HDAC9: variants seen among roughly 807,000 people sequenced by gnomAD.
The protein encoded by HDAC9 is histone deacetylase 9.
HDAC9 carries 41 observed loss-of-function variants against 139.4 expected under a neutral mutation model. The observed-to-expected ratio is 0.29, with a 90% CI of 0.23 to 0.38. The LOEUF (loss-of-function observed/expected upper bound fraction) is 0.38. Among genes scored for constraint, HDAC9 ranks in the 10% least tolerant of loss-of-function variants. HDAC9 has a pLI of 1.00. For synonymous variants in HDAC9, 517 were observed against 476.2 expected, an observed-to-expected ratio of 1.09 and a Z score of -1.12; for missense variants, 1,147 against 1,297.0, an observed-to-expected ratio of 0.88 and a Z score of 1.78.
intron 22 of HDAC9, among the ~76,000 whole-genome samples, chr7:18,909,144 A>G (rs1802527694): frequency 6.6e-6 from 1 of 152,078 alleles, no homozygotes; most frequent in African/African-American, 2.4e-5. Context: ...CCTGATGATT[A>G]GGGAGGTTGA....
chr7:18,884,720 G>T (rs143324212), intron 22 of HDAC9, among the ~76,000 whole-genome samples: 3 of 152,200 alleles, frequency 2.0e-5, no homozygotes, highest in Admixed American at 6.6e-5. Flanking sequence ...TTTTTAGTCA[G>T]TTGGGGCTTC....
chr7:18,122,555 C>T (rs1455774116), intron 1 of HDAC9, among the ~76,000 whole-genome samples: 1 of 151,988 alleles, frequency 6.6e-6, no homozygotes, highest in East Asian at 1.9e-4. Context: ...GTGGGGGCAA[C>T]TTTTAGTTGT....
rs1793572045 is a variant in HDAC9 at position 18,458,728 on chromosome 7, G to T, written c.-41-37534G>T. On this transcript the variant is annotated intron_variant, in intron 1 of 3. Transcript: ENST00000413509. ...TTCGATTAATAAATGATAAGCTGTA[G>T]ACCTCTACTCAGAGTAGTAACAAAG... 3 of 647,084 alleles carry T rather than the reference G, an allele frequency of 4.6e-6. No individual in the cohort carries two copies. In the East Asian group the frequency reaches 8.3e-5, roughly 18 times the overall value. The allele number at this position is 647,084 out of a possible 1,614,324, so 40.1% of individuals were successfully genotyped here. A position where few individuals can be genotyped will look rare whatever the true frequency, so the allele number is the denominator to read the frequency against.
intron 1 of HDAC9, among the ~76,000 whole-genome samples, chr7:18,410,395 CT>C (rs1340898377): frequency 6.6e-6 from 1 of 152,098 alleles, no homozygotes; most frequent in Non-Finnish European, 1.5e-5. Context: ...GCTTTTAGCT[CT>C]GACATCAGTC....
intron 12 of HDAC9, among the ~76,000 whole-genome samples, chr7:18,684,820 A>C (rs1401946623): frequency 6.6e-6 from 1 of 151,932 alleles, no homozygotes; most frequent in African/African-American, 2.4e-5. Flanking sequence ...TTCTTTGCAC[A>C]CTTTTCCTAA....
At chr7:18,357,987 T>C (rs1244343462) in intron 1 of HDAC9, among the ~76,000 whole-genome samples, 1 of 152,154 alleles carries the variant, frequency 6.6e-6, no homozygotes, top group Non-Finnish European at 1.5e-5. Flanking sequence ...GGTTTCTCTA[T>C]GGAGATTGGA....
At chr7:18,528,102 C>T (rs1462036666) in intron 2 of HDAC9, among the ~76,000 whole-genome samples, 1 of 151,710 alleles carries the variant, frequency 6.6e-6, no homozygotes, top group Non-Finnish European at 1.5e-5. Context: ...GAGTTTGAGA[C>T]CAGGCTGAGC....
At chr7:18,859,544 G>T (rs1317494767) in intron 21 of HDAC9, among the ~76,000 whole-genome samples, 2 of 145,532 alleles carry the variant, frequency 1.4e-5, no homozygotes, top group South Asian at 2.1e-4. Context: ...ACATTGCTAC[G>T]CAATTAAAAA....
chr7:18,530,768 T>A (rs915753464), intron 2 of HDAC9, among the ~76,000 whole-genome samples: 20 of 149,616 alleles, frequency 1.3e-4, no homozygotes, highest in Non-Finnish European at 1.2e-4. Flanking sequence ...TTTGAATGCT[T>A]AATTATATAT....
intron 1 of HDAC9, among the ~76,000 whole-genome samples, chr7:18,345,680 G>C (rs764003564): frequency 2.0e-5 from 3 of 151,786 alleles, no homozygotes; most frequent in African/African-American, 7.3e-5. Flanking sequence ...TCTCACAGGT[G>C]GATGAGAATT....
chr7:18,148,196 T>A (rs546555270), intron 1 of HDAC9, among the ~76,000 whole-genome samples: 1 of 152,218 alleles, frequency 6.6e-6, no homozygotes, highest in East Asian at 1.9e-4. Context: ...ATCTTCGAGT[T>A]CTATAGATGA....
At chr7:18,440,283 A>C (rs112716042) in intron 1 of HDAC9, among the ~76,000 whole-genome samples, 5,146 of 149,476 alleles carry the variant, frequency 0.034, 109 homozygotes, top group African/African-American at 0.064. Flanking sequence ...CTCCCAGGTT[A>C]AAGTTATTCT....
chr7:18,433,425 T>C (rs983275249), intron 1 of HDAC9, among the ~76,000 whole-genome samples: 5 of 152,120 alleles, frequency 3.3e-5, no homozygotes, highest in African/African-American at 4.8e-5. Context: ...ATAAAAGGCA[T>C]CCAAATAGGA....
At chr7:18,474,884 A>G (rs1794994386) in intron 1 of HDAC9, among the ~76,000 whole-genome samples, 1 of 152,216 alleles carries the variant, frequency 6.6e-6, no homozygotes, top group Non-Finnish European at 1.5e-5. Context: ...CAAGAAAGAA[A>G]GGAAAGAAGG....
intron 1 of HDAC9, among the ~76,000 whole-genome samples, chr7:18,456,453 C>G (rs550058288): frequency 1.3e-5 from 2 of 152,180 alleles, no homozygotes; most frequent in African/African-American, 4.8e-5. Flanking sequence ...CCAGGCTGAT[C>G]TCGAACTCTT....
chr7:18,422,828 C>A (rs142873167), intron 1 of HDAC9, among the ~76,000 whole-genome samples: 2 of 151,768 alleles, frequency 1.3e-5, no homozygotes, highest in East Asian at 3.9e-4. Flanking sequence ...ATTTTTTTCC[C>A]CTCTCAAGAC....
chr7:18,195,835 A>AT (rs1790689629), intron 2 of HDAC9, among the ~76,000 whole-genome samples: 1 of 152,180 alleles, frequency 6.6e-6, no homozygotes, highest in Non-Finnish European at 1.5e-5. Flanking sequence ...GTTTCATCAT[A>AT]ACGTGAACAC....
chr7:18,690,162 A>T (rs1339136292), intron 12 of HDAC9, among the ~76,000 whole-genome samples: 1 of 151,968 alleles, frequency 6.6e-6, no homozygotes, highest in African/African-American at 2.4e-5. Flanking sequence ...CCCTCATCTG[A>T]TGGTAACTAA....
chr7:18,993,407 G>GAAAGT (rs1272908119), intron 25 of HDAC9, among the ~76,000 whole-genome samples: 1 of 152,246 alleles, frequency 6.6e-6, no homozygotes, highest in Non-Finnish European at 1.5e-5. Context: ...TCAAATTTTC[G>GAAAGT]AAAGTAAAAC....
Sources: gnomAD v4.1 joint callset for allele counts (sites outside exome capture counted in the v4.1 genomes callset) on GRCh38, gnomAD v4.1.1 for gene constraint, MANE v1.5 for transcripts, NCBI Gene and HGNC (gene_info 2026-07-23, HGNC 2026-07-21) for gene names.